Variants in CTNNA2 observed in about 807,000 individuals in gnomAD.
CTNNA2 encodes the protein catenin alpha 2, also known as catenin alpha-2.
CTNNA2 carries 42 observed loss-of-function variants against 101.0 expected under a neutral mutation model. The ratio of observed to expected loss-of-function variants is 0.42; its 90% CI spans 0.32 to 0.54. CTNNA2 has a LOEUF of 0.54. CTNNA2 is among the 20% of genes least tolerant of loss of function. The pLI, the probability that CTNNA2 is intolerant of heterozygous loss-of-function variation, is 0.14. For synonymous variants in CTNNA2, 450 were observed against 456.4 expected (o/e 0.99, Z 0.18); for missense variants, 871 against 1,223.1 (o/e 0.71, Z 4.29).
intron 4 of CTNNA2, among the ~76,000 whole-genome samples, chr2:79,481,307 A>G (rs1188142548): frequency 6.6e-5 from 10 of 152,162 alleles, no homozygotes. Flanking sequence ...TAATGAAAAG[A>G]CAACAAAAAG....
intron 2 of CTNNA2, among the ~76,000 whole-genome samples, chr2:79,702,402 C>T (rs1685072839): frequency 1.3e-5 from 2 of 152,074 alleles, no homozygotes; most frequent in Admixed American, 6.6e-5. Context: ...TAAGTAGTTG[C>T]AACAGAGACC....
chr2:80,007,898 G>A (rs550561530), intron 7 of CTNNA2, among the ~76,000 whole-genome samples: 2 of 152,314 alleles, frequency 1.3e-5, no homozygotes, highest in Admixed American at 1.3e-4. Context: ...CGTGCTGGGA[G>A]ATTCTTGCAC....
At position 79,624,955 on chromosome 2, in the gene CTNNA2, C is replaced by T. The variant is rs538671750; in HGVS notation, c.-5-26597C>T. On this transcript the variant is annotated intron_variant, in intron 1 of 18. Transcript: ENST00000402739. ...TAATTATGGCAGAGCATACTTTTTG[C>T]TCTTAGTGGCAATTTGTGATACTGC... Among the ~76,000 whole-genome samples, 10 of 152,138 alleles carry T rather than the reference C, an allele frequency of 6.6e-5. No homozygotes were observed. The East Asian group carries it at 1.9e-3, about 29-fold the overall frequency.
intron 5 of CTNNA2, among the ~76,000 whole-genome samples, chr2:79,872,507 G>T (rs1388111401): frequency 6.6e-6 from 1 of 152,094 alleles, no homozygotes; most frequent in East Asian, 1.9e-4. Context: ...TTGCCCAGTA[G>T]AGAATACATT....
chr2:80,379,369 T>G (rs1676290408), intron 7 of CTNNA2, among the ~76,000 whole-genome samples: 1 of 152,198 alleles, frequency 6.6e-6, no homozygotes, highest in Admixed American at 6.5e-5. Context: ...GCTTTTTCTT[T>G]CTTTGTGCAG....
At chr2:80,630,729 G>T (rs1672201777) in intron 18 of CTNNA2, among the ~76,000 whole-genome samples, 1 of 152,118 alleles carries the variant, frequency 6.6e-6, no homozygotes, top group African/African-American at 2.4e-5. Context: ...AAAAACTAAA[G>T]TGATAGTTAA....
At chr2:80,589,244 A>C in intron 14 of CTNNA2, 60 bp from the exon 15 acceptor site, 6 of 1,552,952 alleles carry the variant, frequency 3.9e-6, no homozygotes, top group Non-Finnish European at 5.3e-6. Flanking sequence ...AGGCAGAGTC[A>C]ACATACGGTC....
chr2:79,569,594 A>G (rs768777957), intron 1 of CTNNA2, among the ~76,000 whole-genome samples: 25 of 152,258 alleles, frequency 1.6e-4, no homozygotes, highest in South Asian at 4.1e-4. Flanking sequence ...AGGATCTGTC[A>G]GGTCTTACCA....
chr2:80,361,694 C>A (rs1268769055), intron 7 of CTNNA2, among the ~76,000 whole-genome samples: 2 of 151,994 alleles, frequency 1.3e-5, no homozygotes, highest in Non-Finnish European at 2.9e-5. Flanking sequence ...ATTCTGGAGG[C>A]CAGGCCTGAA....
At chr2:79,696,823 T>C (rs1254087565) in intron 2 of CTNNA2, among the ~76,000 whole-genome samples, 8 of 152,068 alleles carry the variant, frequency 5.3e-5, no homozygotes, top group Non-Finnish European at 1.2e-4. Context: ...AAGACTTGTC[T>C]TCTATAGCTT....
chr2:80,300,712 C>T (rs1676205560), intron 7 of CTNNA2, among the ~76,000 whole-genome samples: 1 of 152,124 alleles, frequency 6.6e-6, no homozygotes, highest in Non-Finnish European at 1.5e-5. Flanking sequence ...ACATGGGCTA[C>T]ATTGGTTCAG....
intron 7 of CTNNA2, among the ~76,000 whole-genome samples, chr2:80,130,463 G>A (rs73940957): frequency 1.1e-4 from 16 of 152,244 alleles, no homozygotes; most frequent in Non-Finnish European, 1.9e-4. Context: ...TTGGGAGTAT[G>A]TCTCCCACTC....
chr2:79,925,868 C>T (rs1686983945), intron 7 of CTNNA2, among the ~76,000 whole-genome samples: 1 of 113,308 alleles, frequency 8.8e-6, no homozygotes, highest in Non-Finnish European at 1.7e-5. Flanking sequence ...TTTGTTTATA[C>T]ATCTAAGACT....
chr2:79,319,396 G>A (rs1252122500), intron 3 of CTNNA2, among the ~76,000 whole-genome samples: 1 of 152,134 alleles, frequency 6.6e-6, no homozygotes, highest in Non-Finnish European at 1.5e-5. Context: ...ATGAAGGCTA[G>A]AACTCTGTCA....
chr2:80,302,170 G>T lies in CTNNA2; in HGVS notation c.1057-91041G>T. 1 of 1,526,060 alleles carries T rather than the reference G, an allele frequency of 6.6e-7. No homozygotes were observed. Among genetic ancestry groups the T allele is most frequent in the Non-Finnish European group, 8.8e-7 (1 of 1,133,878 alleles). The allele number at this position is 1,526,060 out of a possible 1,614,324, so 94.5% of individuals were successfully genotyped here. ...GAGCATATCAGAGCACAGACAAGGA[G>T]ACCCCAGCCTGGTGCCCGCCGGCCC... is the stretch of plus-strand genomic sequence containing the variant. On this transcript the variant is annotated intron_variant, in intron 7 of 18. Coordinates refer to ENST00000402739, the MANE Select transcript of CTNNA2 (RefSeq NM_001282597.3). This position sits in a 1 kb window ranked among gnomAD's most constrained non-coding sequence, Gnocchi z 6.4.
At chr2:80,279,835 C>T (rs1291956142) in intron 7 of CTNNA2, among the ~76,000 whole-genome samples, 1 of 152,098 alleles carries the variant, frequency 6.6e-6, no homozygotes, top group Non-Finnish European at 1.5e-5. Flanking sequence ...GTGATTGTCT[C>T]ACCCTGAGGT....
chr2:79,452,990 G>T (rs774866970), intron 4 of CTNNA2, among the ~76,000 whole-genome samples: 1 of 152,064 alleles, frequency 6.6e-6, no homozygotes, highest in Non-Finnish European at 1.5e-5. Context: ...AAATTAATTT[G>T]TAATAATTAA....
At chr2:79,323,124 A>G (rs1159578880) in intron 3 of CTNNA2, among the ~76,000 whole-genome samples, 1 of 152,124 alleles carries the variant, frequency 6.6e-6, no homozygotes, top group South Asian at 2.1e-4. Context: ...AGGCTCTTCC[A>G]TGTTTCATGT....
At chr2:79,508,001 CA>C (rs1405731161) in intron 5 of CTNNA2, among the ~76,000 whole-genome samples, 1 of 152,156 alleles carries the variant, frequency 6.6e-6, no homozygotes, top group Non-Finnish European at 1.5e-5. Flanking sequence ...TTTGTTTGTG[CA>C]GTATACTTAC....
Sources: allele counts gnomAD v4.1 joint callset (sites outside exome capture counted in the v4.1 genomes callset), GRCh38; gene constraint gnomAD v4.1.1; non-coding constraint Gnocchi (gnomAD v3.1); transcripts MANE v1.5; gene names NCBI Gene and HGNC (gene_info 2026-07-23, HGNC 2026-07-21).